Variants in EFCAB11 observed in about 807,000 individuals in gnomAD.
EFCAB11 encodes the protein EF-hand calcium binding domain 11, also known as EF-hand calcium-binding domain-containing protein 11.
A neutral mutation model predicts 23.0 loss-of-function variants in EFCAB11; 14 were observed. That is an observed-to-expected ratio of 0.61 (90% CI 0.40 to 0.95). The LOEUF (loss-of-function observed/expected upper bound fraction) is 0.95. EFCAB11 is among the 40% of genes least tolerant of loss of function. EFCAB11 has a pLI of 0.00. For synonymous variants in EFCAB11, 65 were observed against 66.6 expected (o/e 0.98, Z 0.11); for missense variants, 198 against 195.8 (o/e 1.01, Z -0.07).
chr14:89,917,268 C>T (rs1889881360), intron 5 of EFCAB11, among the ~76,000 whole-genome samples: 1 of 152,164 alleles, frequency 6.6e-6, no homozygotes, highest in Non-Finnish European at 1.5e-5. Flanking sequence ...TTCCCAGCCC[C>T]TGGCAACTAC....
chr14:89,944,905 TAATAA>T (rs538887755), intron 3 of EFCAB11, among the ~76,000 whole-genome samples: 32 of 142,270 alleles, frequency 2.2e-4, no homozygotes, highest in African/African-American at 5.7e-4. Flanking sequence ...ATAATAAATC[TAATAA>T]AATATTAGAT....
chr14:89,841,837 C>A (rs544937479), intron 5 of EFCAB11, among the ~76,000 whole-genome samples: 1 of 152,254 alleles, frequency 6.6e-6, no homozygotes, highest in Admixed American at 6.5e-5. Context: ...TCACTCAGCC[C>A]ATGGCTTCAG....
intron 5 of EFCAB11, chr14:89,830,837 T>C (rs1031721657): frequency 1.3e-5 from 2 of 152,216 alleles, no homozygotes; most frequent in African/African-American, 4.8e-5. Context: ...GTGGCTATGG[T>C]TGTAAACAAA....
rs529294179 is a variant in EFCAB11, at chr14:89,839,790, G to A, written c.411-42466C>T. Among the ~76,000 whole-genome samples the A allele has an allele frequency of 3.3e-5, 5 of 151,056 alleles. No homozygotes were observed. In the South Asian group the frequency reaches 1.1e-3, roughly 32 times the overall value. Reference sequence around the variant, plus strand: ...CCAGAACTTCACATGGCTGGAGCAGGGGGAAGAGAGAGGAAGGGGGGAGGT... The same window carrying A: ...CCAGAACTTCACATGGCTGGAGCAGAGGGAAGAGAGAGGAAGGGGGGAGGT... On this transcript the variant is annotated intron_variant, in intron 5 of 5. Transcript: ENST00000316738.
chr14:89,907,100 G>A (rs1391326968), intron 5 of EFCAB11, among the ~76,000 whole-genome samples: 3 of 152,156 alleles, frequency 2.0e-5, no homozygotes, highest in African/African-American at 4.8e-5. Context: ...TCCCATGACA[G>A]ATGCCTACAT....
chr14:89,922,937 G>T (rs1448283130), intron 5 of EFCAB11, among the ~76,000 whole-genome samples: 1 of 152,190 alleles, frequency 6.6e-6, no homozygotes, highest in Non-Finnish European at 1.5e-5. Context: ...TAACAGCTGG[G>T]CCTTGAAGGA....
intron 5 of EFCAB11, among the ~76,000 whole-genome samples, chr14:89,864,719 G>A (rs930770331): frequency 2.0e-5 from 3 of 152,104 alleles, no homozygotes; most frequent in East Asian, 1.9e-4. Context: ...GATTACAGGC[G>A]TGAGCCACTA....
chr14:89,831,784 TA>T (rs1340640645), intron 5 of EFCAB11, among the ~76,000 whole-genome samples: 1 of 152,212 alleles, frequency 6.6e-6, no homozygotes, highest in Non-Finnish European at 1.5e-5. Context: ...TGAAACCTTT[TA>T]AAAAGTGTTT....
intron 5 of EFCAB11, among the ~76,000 whole-genome samples, chr14:89,899,940 C>T (rs1205424053): frequency 1.3e-5 from 2 of 152,214 alleles, no homozygotes; most frequent in Non-Finnish European, 2.9e-5. Flanking sequence ...GACCCTGCCA[C>T]TCCACTCTAA....
At chr14:89,903,259 A>T (rs954104094) in intron 5 of EFCAB11, among the ~76,000 whole-genome samples, 89 of 152,258 alleles carry the variant, frequency 5.8e-4, no homozygotes, top group African/African-American at 2.1e-3. Flanking sequence ...ATTTTGTCTC[A>T]GATTTAAACC....
rs546547951 is a variant in EFCAB11, at chr14:89,796,731, A to G, written c.*512T>C. 6.5e-6 allele frequency: 1 copy of G among 152,892 alleles called. No homozygotes were observed. Among genetic ancestry groups the G allele is most frequent in the African/African-American group, 2.4e-5 (1 of 41,592 alleles). 9.5% of individuals were successfully genotyped at this position (152,892 alleles called of 1,614,324 possible). A position where few individuals can be genotyped will look rare whatever the true frequency, so the allele number is the denominator to read the frequency against. Reference sequence around the variant, plus strand: ...TGAGCAAATGAAGGAAACTGGCACCATTGGCAGGAAAAGTCTGCCCCTCTG... The same window carrying G: ...TGAGCAAATGAAGGAAACTGGCACCGTTGGCAGGAAAAGTCTGCCCCTCTG... On this transcript the variant is annotated 3_prime_UTR_variant, in exon 6 of 6. Coordinates refer to ENST00000316738, the MANE Select transcript of EFCAB11 (RefSeq NM_145231.4).
chr14:89,915,492 G>A (rs975912125), intron 5 of EFCAB11, among the ~76,000 whole-genome samples: 5 of 152,126 alleles, frequency 3.3e-5, no homozygotes, highest in African/African-American at 9.7e-5. Flanking sequence ...AAAGGTGCTC[G>A]GCTCTCAATC....
rs1161116639 is a variant in EFCAB11, at chr14:89,824,692, G to C, written c.411-27368C>G. On this transcript the variant is annotated intron_variant, in intron 5 of 5. Transcript: ENST00000316738. ...CGTTAATAGTAAAAGAATAAAAAAT[G>C]ATAATCACAGCAAAGAAAGAATAGC... 6.6e-5 allele frequency among the ~76,000 whole-genome samples: 10 copies of C among 152,158 alleles called. No individual in the cohort carries two copies. The East Asian group carries it at 1.9e-3, about 29-fold the overall frequency.
intron 5 of EFCAB11, among the ~76,000 whole-genome samples, chr14:89,804,427 A>C (rs780349745): frequency 6.6e-5 from 10 of 152,242 alleles, no homozygotes; most frequent in Non-Finnish European, 8.8e-5. Flanking sequence ...CTTTACGTAG[A>C]CAACTCTGAG....
intron 5 of EFCAB11, among the ~76,000 whole-genome samples, chr14:89,814,503 G>A (rs910474256): frequency 2.6e-5 from 4 of 152,122 alleles, no homozygotes; most frequent in Admixed American, 2.6e-4. Flanking sequence ...TTGGGAGTTC[G>A]AGAGCAGCCT....
chr14:89,915,640 C>T (rs1373286690), intron 5 of EFCAB11, among the ~76,000 whole-genome samples: 2 of 152,134 alleles, frequency 1.3e-5, no homozygotes, highest in African/African-American at 4.8e-5. Context: ...CTGGCTTTTT[C>T]ACCTGAGAAG....
chr14:89,884,125 T>A (rs755175887), intron 5 of EFCAB11, among the ~76,000 whole-genome samples: 1 of 152,052 alleles, frequency 6.6e-6, no homozygotes, highest in Non-Finnish European at 1.5e-5. Context: ...AGACTCTGTC[T>A]CTAAAAAATA....
rs57778945 is a variant in EFCAB11, at chr14:89,903,573, A to AGG, written c.410+27966_410+27967dup. ...GTTTCCTTATAATGGGTAAAAGAGA[A>AGG]GGGGGGGGGCAATTCTGGGTGTTTG... On this transcript the variant is annotated intron_variant, in intron 5 of 5. Coordinates refer to ENST00000316738, the MANE Select transcript of EFCAB11 (RefSeq NM_145231.4). Among the ~76,000 whole-genome samples, 105 of 150,322 alleles carry AGG rather than the reference A, an allele frequency of 7.0e-4. 1 individual carries two copies. The highest frequency in any genetic ancestry group is 1.8e-3 in the African/African-American group (74 of 40,858).
At chr14:89,847,757 AAAGAAAGAAAG>A (rs1265584211) in intron 5 of EFCAB11, among the ~76,000 whole-genome samples, 1 of 127,750 alleles carries the variant, frequency 7.8e-6, no homozygotes, top group Non-Finnish European at 1.6e-5. Flanking sequence ...AAAAAAAAAA[AAAGAAAGAAAG>A]AAAGAAAGAA....
Sources: gnomAD v4.1 joint callset for allele counts (sites outside exome capture counted in the v4.1 genomes callset) on GRCh38, gnomAD v4.1.1 for gene constraint, MANE v1.5 for transcripts, NCBI Gene and HGNC (gene_info 2026-07-23, HGNC 2026-07-21) for gene names.